HIF1A: variants seen among roughly 807,000 people sequenced by gnomAD.
HIF1A encodes the protein hypoxia inducible factor 1 subunit alpha.
A neutral mutation model predicts 92.7 loss-of-function variants in HIF1A; 24 were observed. The observed-to-expected ratio is 0.26, with a 90% CI of 0.19 to 0.36. HIF1A has a LOEUF of 0.36. Among genes scored for constraint, HIF1A ranks in the 10% least tolerant of loss-of-function variants. HIF1A has a pLI of 1.00. For missense variants in HIF1A, 799 were observed against 998.5 expected, an observed-to-expected ratio of 0.80 and a Z score of 2.69; for synonymous variants, 319 against 338.7, an observed-to-expected ratio of 0.94 and a Z score of 0.64.
chr14:61,721,409 T>G, intron 2 of HIF1A, 100 bp from the exon 3 acceptor site: 1 of 950,270 alleles, frequency 1.1e-6, no homozygotes. Flanking sequence ...ATATATTAAA[T>G]AAAGTGTCTG....
intron 12 of HIF1A, 59 bp from the exon 13 acceptor site, chr14:61,744,646 C>G: frequency 1.5e-6 from 1 of 666,702 alleles, no homozygotes; most frequent in Non-Finnish European, 2.6e-6. Context: ...TTTAAAAGCG[C>G]TCACTGGATA....
intron 1 of HIF1A, among the ~76,000 whole-genome samples, chr14:61,698,559 A>G (rs965369591): frequency 6.6e-6 from 1 of 152,230 alleles, no homozygotes; most frequent in East Asian, 1.9e-4. Context: ...TTAAACTTCC[A>G]CAACTCTTAA....
At chr14:61,746,582 A>G (rs986847954) in intron 14 of HIF1A, among the ~76,000 whole-genome samples, 7 of 151,822 alleles carry the variant, frequency 4.6e-5, no homozygotes, top group African/African-American at 1.7e-4. Context: ...TTTTGTAGAG[A>G]TGGGGTCTCA....
chr14:61,742,410 T>TC (rs1438626539), intron 12 of HIF1A, among the ~76,000 whole-genome samples: 1 of 152,176 alleles, frequency 6.6e-6, no homozygotes, highest in African/African-American at 2.4e-5. Flanking sequence ...AGAGGTCTTT[T>TC]CCCTAAGCTT....
chr14:61,715,643 G>GA (rs1168590030), intron 1 of HIF1A: 2 of 152,280 alleles, frequency 1.3e-5, no homozygotes, highest in African/African-American at 4.8e-5. Context: ...AATAATAGGT[G>GA]AAAAATGTTT....
chr14:61,724,124 TTTTG>T lies in HIF1A; in HGVS notation c.457+2305_457+2308del, dbSNP rs200751960. ...AATGGTTTGTTTTTGTTTGTTTGTT[TTTTG>T]TTTTTTTTTTCCTCATTAGGAAAAC... On this transcript the variant is annotated intron_variant, in intron 4 of 14. Transcript: ENST00000337138. 7.2e-3 allele frequency among the ~76,000 whole-genome samples: 1,091 copies of T among 151,798 alleles called. 31 individuals carry two copies. Among genetic ancestry groups the T allele is most frequent in the Admixed American group, 0.064 (969 of 15,204 alleles).
chr14:61,703,932 ATTTC>A (rs796218731), intron 1 of HIF1A, among the ~76,000 whole-genome samples: 6 of 152,238 alleles, frequency 3.9e-5, no homozygotes, highest in African/African-American at 1.4e-4. Flanking sequence ...GAAGTTGAGT[ATTTC>A]TTCTATGGGT....
At chr14:61,728,484 T>C (rs1392600264) in intron 6 of HIF1A, among the ~76,000 whole-genome samples, 1 of 152,240 alleles carries the variant, frequency 6.6e-6, no homozygotes, top group Non-Finnish European at 1.5e-5. Flanking sequence ...ACTGTACTAC[T>C]ACTGCCCCCA....
intron 7 of HIF1A, 70 bp downstream of exon 7, chr14:61,732,594 A>G (rs1344531005): frequency 5.4e-6 from 5 of 924,732 alleles, no homozygotes; most frequent in Admixed American, 3.8e-5. Context: ...CAGTTTGGCT[A>G]CCCATCTAAT....
intron 1 of HIF1A, among the ~76,000 whole-genome samples, chr14:61,706,683 T>C (rs1267076605): frequency 6.6e-6 from 1 of 152,232 alleles, no homozygotes; most frequent in Non-Finnish European, 1.5e-5. Context: ...AGTTGCTCTA[T>C]GGATTCCCAG....
At chr14:61,710,994 C>T (rs1055015194) in intron 1 of HIF1A, among the ~76,000 whole-genome samples, 10 of 146,622 alleles carry the variant, frequency 6.8e-5, no homozygotes, top group Admixed American at 2.1e-4. Flanking sequence ...TTGCAGTGAG[C>T]GGAGATCGCA....
chr14:61,713,475 G>C (rs2044329464), intron 1 of HIF1A, among the ~76,000 whole-genome samples: 1 of 152,148 alleles, frequency 6.6e-6, no homozygotes, highest in Non-Finnish European at 1.5e-5. Context: ...TTGAAATGTT[G>C]AATGTCCTTC....
At chr14:61,712,291 T>C (rs924921432) in intron 1 of HIF1A, among the ~76,000 whole-genome samples, 1 of 151,956 alleles carries the variant, frequency 6.6e-6, no homozygotes, top group Non-Finnish European at 1.5e-5. Flanking sequence ...TTGAAGTGTT[T>C]TAAGAACAGT....
Position 61,721,837 on chromosome 14 carries a change from GTTGT to G in HIF1A, c.457+18_457+21del. Reference sequence around the variant, plus strand: ...CACACAGAAATGGTAAGAAAAGTCTGTTGTTTGATTTAATGTGACAGGTGGTTTT... The same window carrying G: ...CACACAGAAATGGTAAGAAAAGTCTGTTGATTTAATGTGACAGGTGGTTTT... On this transcript the variant is annotated intron_variant, in intron 4 of 14. Coordinates refer to ENST00000337138, the MANE Select transcript of HIF1A (RefSeq NM_001530.4). 2 of 1,586,644 alleles carry G rather than the reference GTTGT, an allele frequency of 1.3e-6. No homozygotes were observed. Among genetic ancestry groups the G allele is most frequent in the Non-Finnish European group, 1.7e-6 (2 of 1,155,498 alleles).
intron 1 of HIF1A, among the ~76,000 whole-genome samples, chr14:61,715,040 A>T (rs371962207): frequency 1.3e-5 from 2 of 152,310 alleles, no homozygotes; most frequent in African/African-American, 4.8e-5. Context: ...GTCTCAGGAA[A>T]AAAAAAAACA....
intron 8 of HIF1A, among the ~76,000 whole-genome samples, chr14:61,735,450 C>T (rs1282701114): frequency 1.3e-5 from 2 of 152,174 alleles, no homozygotes; most frequent in African/African-American, 4.8e-5. Flanking sequence ...CCCCAGTCTG[C>T]CTAGCAAATG....
Position 61,695,716 on chromosome 14 carries a change from T to C in HIF1A, c.-89T>C. ...CCACCTCTGGACTTGCCTTTCCTTCTCTTCTCCGCGTGTGGAGGGAGCCAG... is the reference window on the plus strand; with the variant it reads ...CCACCTCTGGACTTGCCTTTCCTTCCCTTCTCCGCGTGTGGAGGGAGCCAG... On this transcript the variant is annotated 5_prime_UTR_variant, in exon 1 of 15. Transcript: ENST00000337138. 1 of 1,423,654 alleles carries C rather than the reference T, an allele frequency of 7.0e-7. No individual in the cohort carries two copies. The highest frequency in any genetic ancestry group is 2.5e-5 in the East Asian group (1 of 40,222). The allele number at this position is 1,423,654 out of a possible 1,614,324, so 88.2% of individuals were successfully genotyped here. A position where few individuals can be genotyped will look rare whatever the true frequency, so the allele number is the denominator to read the frequency against.
chr14:61,715,008 TG>T (rs1475211647), intron 1 of HIF1A, among the ~76,000 whole-genome samples: 1 of 151,830 alleles, frequency 6.6e-6, no homozygotes, highest in Non-Finnish European at 1.5e-5. Context: ...CACTCCAGTC[TG>T]GGCAACAAGG....
At chr14:61,743,557 C>T (rs1317798470) in intron 12 of HIF1A, among the ~76,000 whole-genome samples, 1 of 152,028 alleles carries the variant, frequency 6.6e-6, no homozygotes, top group Non-Finnish European at 1.5e-5. Flanking sequence ...AATTTTTAAA[C>T]TTCCCTGTCT....
Sources: gnomAD v4.1 joint callset for allele counts (sites outside exome capture counted in the v4.1 genomes callset) on GRCh38, gnomAD v4.1.1 for gene constraint, MANE v1.5 for transcripts, NCBI Gene and HGNC (gene_info 2026-07-23, HGNC 2026-07-21) for gene names.